TENT2: variants seen among roughly 807,000 people sequenced by gnomAD.
TENT2 encodes the protein poly(A) RNA polymerase GLD2.
TENT2 carries 44 observed loss-of-function variants against 72.2 expected under a neutral mutation model. The ratio of observed to expected loss-of-function variants is 0.61; its 90% CI spans 0.48 to 0.78. The LOEUF (loss-of-function observed/expected upper bound fraction) is 0.78. Ranked by LOEUF, TENT2 falls within the 30% of genes least tolerant of loss-of-function variation. The probability of loss-of-function intolerance (pLI) is 0.00; values close to 1 mark genes in which losing one functional copy is unlikely to be tolerated. For missense variants in TENT2, 541 were observed against 569.6 expected, an observed-to-expected ratio of 0.95 and a Z score of 0.51; for synonymous variants, 212 against 192.5, an observed-to-expected ratio of 1.10 and a Z score of -0.84.
rs1469294803 is a variant in TENT2 at position 79,687,287 on chromosome 5, T to A, written c.*2014T>A. On this transcript the variant is annotated 3_prime_UTR_variant, in exon 15 of 15. Transcript: ENST00000453514. Reference sequence around the variant, plus strand: ...ATATATGAGAGAATTTTCTGGACTTTTAAGTTATTAATCTCAATTATTTGT... The same window carrying A: ...ATATATGAGAGAATTTTCTGGACTTATAAGTTATTAATCTCAATTATTTGT... 6.6e-6 allele frequency among the ~76,000 whole-genome samples: 1 copy of A among 152,166 alleles called. No homozygotes were observed. Among genetic ancestry groups the A allele is most frequent in the Non-Finnish European group, 1.5e-5 (1 of 68,022 alleles).
chr5:79,669,856 GT>G (rs1811549259), intron 12 of TENT2, among the ~76,000 whole-genome samples: 1 of 152,008 alleles, frequency 6.6e-6, no homozygotes, highest in African/African-American at 2.4e-5. Flanking sequence ...TATCTGGTGT[GT>G]GGTATATTAT....
Position 79,624,254 on chromosome 5 carries a change from G to A in TENT2, c.465+765G>A, listed in dbSNP as rs558472848. Among the ~76,000 whole-genome samples, 343 of 152,256 alleles carry A rather than the reference G, an allele frequency of 2.3e-3. 1 individual carries two copies. The highest frequency in any genetic ancestry group is 8.1e-3 in the African/African-American group (338 of 41,550). ...TTTGTAGGCTAAGGAGAAGGACCTT[G>A]AAGAAAATATAGCAACTTTGTTTTA... On this transcript the variant is annotated intron_variant, in intron 4 of 14. Coordinates refer to ENST00000453514, the MANE Select transcript of TENT2 (RefSeq NM_001114394.3).
rs1273783406 is a variant in TENT2 at position 79,679,605 on chromosome 5, G to A, written c.1235G>A (p.Arg412His). ...FDWNSQMISV[R>H]EAKAIPRPDG... Reference sequence around the variant, plus strand: ...TGGAATAGTCAAATGATTTCAGTTCGTGAAGCCAAAGCCATTCCAAGGCCT... The same window carrying A: ...TGGAATAGTCAAATGATTTCAGTTCATGAAGCCAAAGCCATTCCAAGGCCT... Residue 412 changes from arginine to histidine, a missense_variant, in exon 13 of 15, where the codon CGT becomes CAT. By Grantham distance (29) the Arg-to-His change is conservative (BLOSUM62 0). Coordinates refer to ENST00000453514, the MANE Select transcript of TENT2 (RefSeq NM_001114394.3). 5.0e-6 allele frequency: 8 copies of A among 1,599,584 alleles called. No homozygotes were observed. The highest frequency in any genetic ancestry group is 6.0e-6 in the Non-Finnish European group (7 of 1,171,870).
intron 11 of TENT2, among the ~76,000 whole-genome samples, chr5:79,664,508 T>C (rs1389221466): frequency 2.0e-5 from 3 of 151,748 alleles, no homozygotes; most frequent in African/African-American, 4.8e-5. Flanking sequence ...GGCAGGCGAA[T>C]TGCTTGAACC....
intron 11 of TENT2, among the ~76,000 whole-genome samples, chr5:79,667,305 G>C (rs1274655226): frequency 1.3e-5 from 2 of 152,144 alleles, no homozygotes; most frequent in Non-Finnish European, 2.9e-5. Flanking sequence ...CTATTAAACA[G>C]TGACCTACTT....
At chr5:79,681,515 C>A (rs1441805322) in intron 13 of TENT2, 1 of 152,998 alleles carries the variant, frequency 6.5e-6, no homozygotes, top group Non-Finnish European at 1.5e-5. Flanking sequence ...CCTGCATTGT[C>A]TTCCATTTTC....
At chr5:79,658,200 T>C (rs958074245) in intron 11 of TENT2, among the ~76,000 whole-genome samples, 1 of 152,178 alleles carries the variant, frequency 6.6e-6, no homozygotes, top group African/African-American at 2.4e-5. Context: ...TTTTTTAAAC[T>C]AGTTTCTGCT....
chr5:79,668,639 A>T (rs1382650662), intron 11 of TENT2: 5 of 357,258 alleles, frequency 1.4e-5, no homozygotes, highest in African/African-American at 1.0e-4. Context: ...TCTTCTGCTA[A>T]ATAGCGATCT....
chr5:79,618,655 T>C (rs1164310465), intron 1 of TENT2, among the ~76,000 whole-genome samples: 1 of 152,122 alleles, frequency 6.6e-6, no homozygotes, highest in African/African-American at 2.4e-5. Flanking sequence ...AGGTTTTATT[T>C]TTCTTCTGGT....
At chr5:79,636,315 A>G (rs1780090079) in intron 4 of TENT2, among the ~76,000 whole-genome samples, 1 of 152,172 alleles carries the variant, frequency 6.6e-6, no homozygotes, top group African/African-American at 2.4e-5. Flanking sequence ...GACCATAACA[A>G]TTAACAACAT....
chr5:79,666,869 G>A (rs991639192), intron 11 of TENT2, among the ~76,000 whole-genome samples: 2 of 152,154 alleles, frequency 1.3e-5, no homozygotes, highest in Non-Finnish European at 2.9e-5. Context: ...ACCATGCCTG[G>A]CTTAGGGGAT....
At chr5:79,665,523 CAGATG>C (rs1806829734) in intron 11 of TENT2, among the ~76,000 whole-genome samples, 1 of 152,134 alleles carries the variant, frequency 6.6e-6, no homozygotes, top group Admixed American at 6.5e-5. Flanking sequence ...TGAGAGTTCT[CAGATG>C]TTTTCCAAGG....
intron 8 of TENT2, among the ~76,000 whole-genome samples, chr5:79,646,071 G>A (rs897319825): frequency 1.3e-5 from 2 of 152,082 alleles, no homozygotes; most frequent in Non-Finnish European, 1.5e-5. Context: ...GCTTCATACT[G>A]TAAACAAATA....
chr5:79,633,726 T>G (rs1033499304), intron 4 of TENT2, among the ~76,000 whole-genome samples: 2 of 99,132 alleles, frequency 2.0e-5, no homozygotes, highest in East Asian at 2.7e-4. Flanking sequence ...AAAAAGTTTT[T>G]TTTTTTTTTT....
chr5:79,641,319 C>A, intron 6 of TENT2, 123 bp downstream of exon 6: 1 of 768,754 alleles, frequency 1.3e-6, no homozygotes, highest in Non-Finnish European at 2.0e-6. Flanking sequence ...TTTTGTTTAC[C>A]ATAATTGCAG....
chr5:79,673,168 A>G (rs1454551589), intron 12 of TENT2, among the ~76,000 whole-genome samples: 2 of 152,094 alleles, frequency 1.3e-5, no homozygotes, highest in South Asian at 2.1e-4. Flanking sequence ...AGAGTTGTTT[A>G]AGCTCCTTAT....
intron 1 of TENT2, 31 bp from the exon 2 acceptor site, chr5:79,619,581 A>T: frequency 6.9e-7 from 1 of 1,449,454 alleles, no homozygotes; most frequent in Non-Finnish European, 9.3e-7. Flanking sequence ...AAGCTATGAT[A>T]ATTTAATATT....
chr5:79,635,215 G>C (rs6453467), intron 4 of TENT2, among the ~76,000 whole-genome samples: 30,869 of 152,050 alleles, frequency 0.2, 4,618 homozygotes, highest in African/African-American at 0.42. Context: ...CACCAGAAAT[G>C]TTGTTTCAAC....
intron 4 of TENT2, among the ~76,000 whole-genome samples, chr5:79,630,547 A>G (rs1408960265): frequency 6.6e-6 from 1 of 152,162 alleles, no homozygotes; most frequent in Non-Finnish European, 1.5e-5. Flanking sequence ...ACTGCACTCT[A>G]GCCTGGGCGA....
Sources: gnomAD v4.1 joint callset for allele counts (sites outside exome capture counted in the v4.1 genomes callset) on GRCh38, gnomAD v4.1.1 for gene constraint, MANE v1.5 for transcripts, NCBI Gene and HGNC (gene_info 2026-07-23, HGNC 2026-07-21) for gene names.